The following CNGB3 variants were observed in gnomAD, a reference collection of about 807,000 sequenced individuals.
CNGB3 encodes the protein cyclic nucleotide-gated channel beta-3.
In CNGB3, 86 loss-of-function variants were observed where a neutral mutation model predicts 92.8. That is an observed-to-expected ratio of 0.93 (90% CI 0.78 to 1.11). CNGB3 has a LOEUF of 1.11. Ranked by LOEUF, CNGB3 falls within the 50% of genes least tolerant of loss-of-function variation. The pLI is 0.00. For missense variants in CNGB3, 1,026 were observed against 956.8 expected, an observed-to-expected ratio of 1.07 and a Z score of -0.95; for synonymous variants, 333 against 332.7, an observed-to-expected ratio of 1.00 and a Z score of -0.01.
intron 13 of CNGB3, among the ~76,000 whole-genome samples, chr8:86,620,277 G>T (rs1232179545): frequency 1.3e-5 from 2 of 152,204 alleles, no homozygotes; most frequent in African/African-American, 2.4e-5. Flanking sequence ...TATACAGGCT[G>T]TGTGTGCTTT....
chr8:86,578,552 A>G, intron 17 of CNGB3, 137 bp downstream of exon 17: 2 of 836,204 alleles, frequency 2.4e-6, no homozygotes, highest in East Asian at 2.4e-5. Context: ...TGTGCTATAT[A>G]TAAAGCAGGA....
In CNGB3 at chr8:86,668,020, T is replaced by C; in HGVS notation, c.642A>G (p.Thr214=). The C allele has an allele frequency of 2.5e-6, 4 of 1,614,054 alleles. No homozygotes were observed. The highest frequency in any genetic ancestry group is 3.4e-6 in the Non-Finnish European group (4 of 1,179,970). Reference sequence around the variant, plus strand: ...TGATAATTCACCCTTTGATAATACCTGTGTATGAATCTATGCTGTTTGGAA... The same window carrying C: ...TGATAATTCACCCTTTGATAATACCCGTGTATGAATCTATGCTGTTTGGAA... ...IKLPNSIDSY[T]DRLYLLWLLL... is the part of the protein sequence containing the mutation. Residue 214 remains threonine (T), a splice_region_variant and synonymous_variant, in exon 5 of 18, where the codon ACA becomes ACG. Transcript: ENST00000320005.
At chr8:86,693,581 A>G (rs1456550263) in intron 3 of CNGB3, among the ~76,000 whole-genome samples, 2 of 150,322 alleles carry the variant, frequency 1.3e-5, no homozygotes, top group African/African-American at 4.9e-5. Flanking sequence ...TCCTAGGCAG[A>G]GGACCCTGCG....
At chr8:86,705,089 A>T (rs6999648) in intron 3 of CNGB3, among the ~76,000 whole-genome samples, 2 of 151,854 alleles carry the variant, frequency 1.3e-5, no homozygotes, top group Non-Finnish European at 2.9e-5. Flanking sequence ...ACTCCTCCCC[A>T]CACCTCCCAA....
chr8:86,585,790 G>C (rs890034150), intron 15 of CNGB3, among the ~76,000 whole-genome samples: 1 of 152,064 alleles, frequency 6.6e-6, no homozygotes, highest in African/African-American at 2.4e-5. Flanking sequence ...ACAACAATAA[G>C]CTTGCTAGGA....
intron 13 of CNGB3, 139 bp downstream of exon 13, chr8:86,625,844 T>G (rs1822835733): frequency 1.4e-6 from 1 of 730,854 alleles, no homozygotes; most frequent in Non-Finnish European, 2.4e-6. Flanking sequence ...ATTTGACTCT[T>G]TAATTCCACA....
chr8:86,695,078 C>T (rs777014324), intron 3 of CNGB3, among the ~76,000 whole-genome samples: 132 of 152,228 alleles, frequency 8.7e-4, no homozygotes, highest in Non-Finnish European at 1.6e-3. Flanking sequence ...GCGGATCACT[C>T]GCGGTAAGGA....
At chr8:86,673,745 T>C (rs188386149) in intron 3 of CNGB3, among the ~76,000 whole-genome samples, 2 of 151,832 alleles carry the variant, frequency 1.3e-5, no homozygotes, top group African/African-American at 2.4e-5. Flanking sequence ...TCAATATAAA[T>C]AGGAATTCAG....
At chr8:86,634,101 T>C (rs1823017333) in intron 10 of CNGB3, among the ~76,000 whole-genome samples, 1 of 152,148 alleles carries the variant, frequency 6.6e-6, no homozygotes, top group Non-Finnish European at 1.5e-5. Flanking sequence ...TAAGGATTAG[T>C]AAAGAACATA....
intron 13 of CNGB3, among the ~76,000 whole-genome samples, chr8:86,618,462 A>G (rs1822658895): frequency 6.6e-6 from 1 of 152,178 alleles, no homozygotes; most frequent in Admixed American, 6.5e-5. Context: ...TAAGTGCTTC[A>G]TATGTTTTGA....
chr8:86,623,437 C>G (rs1805923508), intron 13 of CNGB3, among the ~76,000 whole-genome samples: 1 of 152,166 alleles, frequency 6.6e-6, no homozygotes, highest in Non-Finnish European at 1.5e-5. Context: ...GTGAGGGCTG[C>G]TCTTTCTTCC....
intron 17 of CNGB3, among the ~76,000 whole-genome samples, chr8:86,577,513 C>T (rs1329141267): frequency 2.6e-5 from 4 of 152,174 alleles, no homozygotes; most frequent in Admixed American, 2.6e-4. Context: ...AGTACTGAAC[C>T]ATTGTTCTTG....
At chr8:86,589,839 T>C (rs1382056718) in intron 15 of CNGB3, among the ~76,000 whole-genome samples, 1 of 152,088 alleles carries the variant, frequency 6.6e-6, no homozygotes, top group Non-Finnish European at 1.5e-5. Flanking sequence ...GAGAGTTCTG[T>C]AGATGTCTAT....
At chr8:86,698,680 G>C (rs1490621045) in intron 3 of CNGB3, among the ~76,000 whole-genome samples, 1 of 152,180 alleles carries the variant, frequency 6.6e-6, no homozygotes, top group South Asian at 2.1e-4. Context: ...AGATGATAGA[G>C]TGAGGTAGGT....
intron 7 of CNGB3, among the ~76,000 whole-genome samples, chr8:86,648,211 GT>G (rs1251018260): frequency 2.6e-5 from 4 of 151,090 alleles, no homozygotes; most frequent in Non-Finnish European, 5.9e-5. Context: ...TTTTAACAGT[GT>G]TTTTAACATG....
Position 86,647,898 on chromosome 8 carries a change from A to ATTTGTG in CNGB3, c.904-12_904-11insCACAAA. The ATTTGTG allele has an allele frequency of 2.0e-6, 3 of 1,501,700 alleles. No homozygotes were observed. The highest frequency in any genetic ancestry group is 1.9e-6 in the Non-Finnish European group (2 of 1,078,762). 93.0% of individuals were successfully genotyped at this position (1,501,700 alleles called of 1,614,324 possible). Reference sequence around the variant, plus strand: ...TGATGCGACATCCAACTGTTGAAAGAACACATTCACAAATATGTTGTGTTT... The same window carrying ATTTGTG: ...TGATGCGACATCCAACTGTTGAAAGATTTGTGACACATTCACAAATATGTTGTGTTT... On this transcript the variant is annotated splice_polypyrimidine_tract_variant and intron_variant, in intron 7 of 17. Transcript: ENST00000320005.
chr8:86,632,754 G>A lies in CNGB3; in HGVS notation c.1318C>T (p.Gln440Ter). 1 of 1,612,892 alleles carries A rather than the reference G, an allele frequency of 6.2e-7. No individual in the cohort carries two copies. Among genetic ancestry groups the A allele is most frequent in the Non-Finnish European group, 8.5e-7 (1 of 1,179,660 alleles). ...CCAGTGATTCATACTCAGCTTACCT[G>A]ACCAATTAAACTGGAGAACACAAAA... The part of the protein sequence containing the change: ...GVFVFSSLIG[Q>*]MRDVIGAATA... Residue 440 changes from glutamine (Q) to a stop codon, truncating the protein, a stop_gained and splice_region_variant, in exon 11 of 18, where the codon CAG (glutamine) becomes TAG (stop). Coordinates refer to ENST00000320005, the MANE Select transcript of CNGB3 (RefSeq NM_019098.5). LOFTEE classifies it high-confidence loss of function.
At chr8:86,593,575 G>A (rs556716271) in intron 15 of CNGB3, among the ~76,000 whole-genome samples, 12 of 152,090 alleles carry the variant, frequency 7.9e-5, no homozygotes, top group African/African-American at 2.9e-4. Context: ...CTCCTTCGAG[G>A]TCTTTATTGC....
intron 13 of CNGB3, among the ~76,000 whole-genome samples, chr8:86,622,248 G>T (rs1468525435): frequency 6.6e-6 from 1 of 152,076 alleles, no homozygotes; most frequent in Non-Finnish European, 1.5e-5. Flanking sequence ...ACAATGTAGA[G>T]TAAGTCTCAT....
Sources: gnomAD v4.1 joint callset for allele counts (sites outside exome capture counted in the v4.1 genomes callset) on GRCh38, gnomAD v4.1.1 for gene constraint, MANE v1.5 for transcripts, NCBI Gene and HGNC (gene_info 2026-07-23, HGNC 2026-07-21) for gene names.